Variants in PHF24 observed in about 807,000 individuals in gnomAD.
PHF24 encodes Galpha inhibitory interacting protein.
A neutral mutation model predicts 42.6 loss-of-function variants in PHF24; 25 were observed. That is an observed-to-expected ratio of 0.59 (90% CI 0.43 to 0.82). The LOEUF (loss-of-function observed/expected upper bound fraction) is 0.82, where lower values mean the gene tolerates loss of function less well. Ranked by LOEUF, PHF24 falls within the 40% of genes least tolerant of loss-of-function variation. PHF24 has a pLI of 0.00. For missense variants in PHF24, 470 were observed against 538.1 expected, an observed-to-expected ratio of 0.87 and a Z score of 1.25; for synonymous variants, 185 against 204.8, an observed-to-expected ratio of 0.90 and a Z score of 0.83.
chr9:34,894,110 T>G, the PHF24 span, among the ~76,000 whole-genome samples: 1 of 152,134 alleles, frequency 6.6e-6, no homozygotes, highest in Non-Finnish European at 1.5e-5. Context: ...GATGACTTCT[T>G]TACGCAAAAT....
chr9:34,905,708 G>C, the PHF24 span, among the ~76,000 whole-genome samples: 2 of 152,150 alleles, frequency 1.3e-5, no homozygotes, highest in South Asian at 4.1e-4. Flanking sequence ...CAAAATGCAG[G>C]AATCAACATG....
the PHF24 span, among the ~76,000 whole-genome samples, chr9:34,827,082 A>G: frequency 1.3e-5 from 2 of 152,158 alleles, no homozygotes; most frequent in African/African-American, 4.8e-5. Flanking sequence ...TGTCAGCAGC[A>G]TGAGCCCATG....
chr9:34,757,935 G>C, the PHF24 span, among the ~76,000 whole-genome samples: 2 of 152,134 alleles, frequency 1.3e-5, no homozygotes, highest in Admixed American at 6.5e-5. Context: ...AGTCTGCCTT[G>C]GGGTGTACCT....
At chr9:34,692,414 C>G in the PHF24 span, among the ~76,000 whole-genome samples, 1 of 152,128 alleles carries the variant, frequency 6.6e-6, no homozygotes, top group Non-Finnish European at 1.5e-5. Flanking sequence ...GAACATGAGG[C>G]TCAGAGCACA....
At chr9:34,787,456 C>T in the PHF24 span, among the ~76,000 whole-genome samples, 2 of 152,196 alleles carry the variant, frequency 1.3e-5, no homozygotes, top group African/African-American at 2.4e-5. Flanking sequence ...AAGCTGGAAA[C>T]GAGGGCAAGA....
the PHF24 span, chr9:34,833,311 T>A: frequency 1.3e-6 from 2 of 1,551,120 alleles, no homozygotes; most frequent in Admixed American, 3.9e-5. Flanking sequence ...CCCCACTGGG[T>A]TGTGAGATCT....
intron 1 of PHF24, among the ~76,000 whole-genome samples, chr9:34,966,338 G>T (rs1826766279): frequency 6.6e-6 from 1 of 152,144 alleles, no homozygotes. Context: ...TATAATCCTA[G>T]CTACTTGGGA....
chr9:34,740,258 C>T, the PHF24 span, among the ~76,000 whole-genome samples: 1 of 152,200 alleles, frequency 6.6e-6, no homozygotes, highest in Non-Finnish European at 1.5e-5. Flanking sequence ...CTTGGGTGGT[C>T]GATGGGACTG....
At chr9:34,680,089 T>A in the PHF24 span, among the ~76,000 whole-genome samples, 1 of 152,020 alleles carries the variant, frequency 6.6e-6, no homozygotes, top group African/African-American at 2.4e-5. Context: ...AGAAAACCAA[T>A]ACAAGGCTGG....
At chr9:34,866,440 C>A in the PHF24 span, among the ~76,000 whole-genome samples, 1 of 152,180 alleles carries the variant, frequency 6.6e-6, no homozygotes, top group South Asian at 2.1e-4. Flanking sequence ...GCAATTGACT[C>A]CTGGAAGCAT....
chr9:34,757,182 T>C, the PHF24 span, among the ~76,000 whole-genome samples: 2 of 152,070 alleles, frequency 1.3e-5, no homozygotes, highest in Non-Finnish European at 2.9e-5. Flanking sequence ...GGATTACAGG[T>C]GTGAGCCACT....
chr9:34,775,804 C>T, the PHF24 span, among the ~76,000 whole-genome samples: 7 of 152,308 alleles, frequency 4.6e-5, no homozygotes, highest in South Asian at 1.4e-3. Flanking sequence ...TACACAGATA[C>T]TCATGACAGC....
At chr9:34,857,946 T>G in the PHF24 span, among the ~76,000 whole-genome samples, 1 of 150,234 alleles carries the variant, frequency 6.7e-6, no homozygotes, top group Admixed American at 6.7e-5. Flanking sequence ...TATTTATTTT[T>G]CTGGTTCTTT....
chr9:34,936,507 G>A, the PHF24 span, among the ~76,000 whole-genome samples: 259 of 152,072 alleles, frequency 1.7e-3, no homozygotes, highest in African/African-American at 6.0e-3. Context: ...TGGGAAGTGA[G>A]GAGCGTCTCT....
At chr9:34,713,641 T>TC in the PHF24 span, among the ~76,000 whole-genome samples, 1 of 92,032 alleles carries the variant, frequency 1.1e-5, no homozygotes, top group Non-Finnish European at 2.1e-5. Context: ...TTGTATGATG[T>TC]TTTTCTGTAG....
the PHF24 span, among the ~76,000 whole-genome samples, chr9:34,817,453 C>T: frequency 2.0e-5 from 3 of 152,246 alleles, no homozygotes; most frequent in Admixed American, 1.3e-4. Context: ...CTATGTTGCC[C>T]AGGCTGGTCT....
the PHF24 span, among the ~76,000 whole-genome samples, chr9:34,807,673 C>T: frequency 6.6e-6 from 1 of 151,918 alleles, no homozygotes; most frequent in Non-Finnish European, 1.5e-5. Flanking sequence ...ATTTAATTAG[C>T]GCTAAATAAG....
the PHF24 span, among the ~76,000 whole-genome samples, chr9:34,751,047 C>T: frequency 1.3e-5 from 2 of 152,232 alleles, no homozygotes; most frequent in Admixed American, 6.5e-5. Flanking sequence ...GGAAAAGATA[C>T]TCCATGCAAA....
At chr9:34,709,571 G>T in the PHF24 span, 1 of 1,614,152 alleles carries the variant, frequency 6.2e-7, no homozygotes, top group Non-Finnish European at 8.5e-7. Flanking sequence ...TGCAGCCCTG[G>T]GCTGGTTTCT....
Sources: gnomAD v4.1 joint callset for allele counts (sites outside exome capture counted in the v4.1 genomes callset) on GRCh38, gnomAD v4.1.1 for gene constraint, MANE v1.5 for transcripts, NCBI Gene and HGNC (gene_info 2026-07-23, HGNC 2026-07-21) for gene names.